The following RAPGEF6 variants were observed in gnomAD, a reference collection of about 807,000 sequenced individuals.
RAPGEF6 encodes Rap guanine nucleotide exchange factor 6.
A neutral mutation model predicts 171.4 loss-of-function variants in RAPGEF6; 56 were observed. The observed-to-expected ratio is 0.33, with a 90% CI of 0.26 to 0.41. The LOEUF is 0.41. RAPGEF6 is among the 10% of genes least tolerant of loss of function. The probability of loss-of-function intolerance (pLI) is 1.00; values close to 1 mark genes in which losing one functional copy is unlikely to be tolerated. For missense variants in RAPGEF6, 1,674 were observed against 1,921.4 expected, an observed-to-expected ratio of 0.87 and a Z score of 2.41; for synonymous variants, 692 against 650.1, an observed-to-expected ratio of 1.06 and a Z score of -0.98.
chr5:131,616,050 A>T (rs1765242268), intron 1 of RAPGEF6, among the ~76,000 whole-genome samples: 1 of 152,162 alleles, frequency 6.6e-6, no homozygotes, highest in South Asian at 2.1e-4. Context: ...GTATTAGAAA[A>T]ACAAGTACCA....
chr5:131,554,777 G>A (rs1164043270), intron 5 of RAPGEF6, among the ~76,000 whole-genome samples: 2 of 152,008 alleles, frequency 1.3e-5, no homozygotes, highest in Admixed American at 1.3e-4. Context: ...TTGGCCTCCC[G>A]AAGTGCTGGG....
chr5:131,448,821 G>A (rs1323893896), intron 21 of RAPGEF6, among the ~76,000 whole-genome samples: 1 of 152,078 alleles, frequency 6.6e-6, no homozygotes, highest in Non-Finnish European at 1.5e-5. Flanking sequence ...CCCACTAAAA[G>A]ATATTGTCCA....
intron 17 of RAPGEF6, among the ~76,000 whole-genome samples, chr5:131,465,203 C>T (rs529406316): frequency 1.3e-5 from 2 of 152,034 alleles, no homozygotes; most frequent in African/African-American, 4.8e-5. Context: ...TAAATGTTCA[C>T]CTGGTGAAAT....
intron 22 of RAPGEF6, among the ~76,000 whole-genome samples, chr5:131,442,888 A>G (rs1752474077): frequency 6.6e-6 from 1 of 151,722 alleles, no homozygotes; most frequent in African/African-American, 2.4e-5. Flanking sequence ...CCCAGGTTCA[A>G]TGGAGTCTAC....
intron 1 of RAPGEF6, 102 bp downstream of exon 1, chr5:131,634,860 G>T: frequency 1.5e-6 from 2 of 1,309,164 alleles, no homozygotes; most frequent in Non-Finnish European, 1.1e-6. Flanking sequence ...CCAGTAGCAG[G>T]TGCGAGACTC....
chr5:131,616,664 G>A (rs770421921), intron 1 of RAPGEF6, among the ~76,000 whole-genome samples: 30 of 152,066 alleles, frequency 2.0e-4, no homozygotes, highest in Non-Finnish European at 3.7e-4. Flanking sequence ...ACAGGCTCTC[G>A]CTATGTTGCC....
At chr5:131,617,892 T>C (rs554347620) in intron 1 of RAPGEF6, among the ~76,000 whole-genome samples, 1 of 152,320 alleles carries the variant, frequency 6.6e-6, no homozygotes, top group East Asian at 1.9e-4. Flanking sequence ...ATATTAAACA[T>C]AGAACTTATT....
At chr5:131,515,718 A>ATGTC (rs1758027231) in intron 7 of RAPGEF6, among the ~76,000 whole-genome samples, 1 of 152,224 alleles carries the variant, frequency 6.6e-6, no homozygotes, top group Non-Finnish European at 1.5e-5. Flanking sequence ...TAACATGAAA[A>ATGTC]TGTCATCTTC....
At chr5:131,478,894 C>CAATAAATATAAA (rs1755282735) in intron 16 of RAPGEF6, among the ~76,000 whole-genome samples, 1 of 152,122 alleles carries the variant, frequency 6.6e-6, no homozygotes, top group Non-Finnish European at 1.5e-5. Context: ...AAACTGAGTG[C>CAATAAATATAAA]CTACTATGTG....
intron 1 of RAPGEF6, among the ~76,000 whole-genome samples, chr5:131,619,304 G>A (rs1765466160): frequency 6.6e-6 from 1 of 152,112 alleles, no homozygotes. Context: ...TCACACACCA[G>A]GGCCTGTTGC....
intron 23 of RAPGEF6, chr5:131,439,936 T>G (rs1287462802): frequency 1.3e-6 from 1 of 752,276 alleles, no homozygotes; most frequent in Non-Finnish European, 2.0e-6. Flanking sequence ...TGGACCAGAT[T>G]ATATTAGTTT....
intron 1 of RAPGEF6, among the ~76,000 whole-genome samples, chr5:131,614,256 T>C (rs1242005246): frequency 8.6e-6 from 1 of 116,296 alleles, no homozygotes; most frequent in Non-Finnish European, 1.6e-5. Context: ...CATTTCAGCC[T>C]GGGTGACAGA....
intron 2 of RAPGEF6, 117 bp from the exon 3 acceptor site, chr5:131,603,444 A>C: frequency 1.5e-6 from 1 of 659,570 alleles, no homozygotes. Flanking sequence ...CAAATCTACC[A>C]GTATGTTGTC....
intron 8 of RAPGEF6, among the ~76,000 whole-genome samples, chr5:131,509,524 C>A (rs920022246): frequency 4.7e-5 from 7 of 149,922 alleles, no homozygotes; most frequent in African/African-American, 1.8e-4. Flanking sequence ...GCCTGGGCGA[C>A]AGAGTGAGAC....
intron 1 of RAPGEF6, 37 bp downstream of exon 1, chr5:131,634,925 G>A (rs772529857): frequency 1.2e-6 from 2 of 1,611,356 alleles, no homozygotes; most frequent in Non-Finnish European, 1.7e-6. Context: ...GCTGTCTACT[G>A]GACTGTGAGA....
chr5:131,524,376 T>C (rs1020047137), intron 6 of RAPGEF6, among the ~76,000 whole-genome samples: 3 of 152,210 alleles, frequency 2.0e-5, no homozygotes, highest in East Asian at 3.8e-4. Flanking sequence ...TCCATGAAGC[T>C]GTAGTAGCAG....
intron 4 of RAPGEF6, among the ~76,000 whole-genome samples, chr5:131,566,157 G>T (rs976811342): frequency 1.9e-4 from 19 of 102,272 alleles, no homozygotes; most frequent in Non-Finnish European, 4.4e-5. Flanking sequence ...AATAAAGAAA[G>T]AAAAAAAAAA....
rs1561510319 is a variant in RAPGEF6, at chr5:131,495,334, T to TAA, written c.1527+217_1527+218dup. On this transcript the variant is annotated intron_variant, in intron 13 of 27. Transcript: ENST00000509018. ...AATACAATAAATAAATAAATAAATA[T>TAA]AAATAAAAAATAAATGGAAGAGTCA... 2.6e-4 allele frequency among the ~76,000 whole-genome samples: 25 copies of TAA among 97,352 alleles called. No homozygotes were observed. The East Asian group carries it at 5.2e-3, about 20-fold the overall frequency. The allele number at this position is 97,352 out of a possible 152,430, so 63.9% of individuals were successfully genotyped here.
intron 4 of RAPGEF6, among the ~76,000 whole-genome samples, chr5:131,571,554 T>C (rs982241233): frequency 6.6e-6 from 1 of 152,156 alleles, no homozygotes; most frequent in South Asian, 2.1e-4. Context: ...CAAAACATCA[T>C]TGAGAGAAAT....
Sources: gnomAD v4.1 joint callset for allele counts (sites outside exome capture counted in the v4.1 genomes callset) on GRCh38, gnomAD v4.1.1 for gene constraint, MANE v1.5 for transcripts, NCBI Gene and HGNC (gene_info 2026-07-23, HGNC 2026-07-21) for gene names.